The following UNC5C variants were observed in gnomAD, a reference collection of about 807,000 sequenced individuals.
The protein encoded by UNC5C is unc-5 netrin receptor C, also known as netrin receptor UNC5C.
A neutral mutation model predicts 99.8 loss-of-function variants in UNC5C; 47 were observed. The ratio of observed to expected loss-of-function variants is 0.47; its 90% CI spans 0.37 to 0.60. The LOEUF (loss-of-function observed/expected upper bound fraction) is 0.60. UNC5C is among the 20% of genes least tolerant of loss of function. The pLI, the probability that UNC5C is intolerant of heterozygous loss-of-function variation, is 0.00. For synonymous variants in UNC5C, 487 were observed against 452.2 expected (o/e 1.08, Z -0.98); for missense variants, 1,062 against 1,165.9 (o/e 0.91, Z 1.30).
chr4:95,398,043 G>GTTTTTTTTTTTT (rs1745570466), intron 1 of UNC5C, among the ~76,000 whole-genome samples: 4 of 76,948 alleles, frequency 5.2e-5, no homozygotes, highest in African/African-American at 3.8e-4. Flanking sequence ...GCCAAATGTA[G>GTTTTTTTTTTTT]CTTTTTTTTT....
At chr4:95,356,213 C>CAAAAAAA (rs869165569) in intron 1 of UNC5C, among the ~76,000 whole-genome samples, 3 of 78,178 alleles carry the variant, frequency 3.8e-5, no homozygotes, top group Non-Finnish European at 5.1e-5. Flanking sequence ...AAAAAAAAAA[C>CAAAAAAA]AAAACAAAAA....
intron 3 of UNC5C, among the ~76,000 whole-genome samples, chr4:95,282,808 A>G (rs1031577194): frequency 6.6e-6 from 1 of 152,168 alleles, no homozygotes; most frequent in Non-Finnish European, 1.5e-5. Flanking sequence ...GGTAGGTTAG[A>G]TAAATTTTTT....
At chr4:95,334,724 T>C (rs1743265382) in intron 2 of UNC5C, among the ~76,000 whole-genome samples, 1 of 151,944 alleles carries the variant, frequency 6.6e-6, no homozygotes, top group Non-Finnish European at 1.5e-5. Context: ...TATTTTATCT[T>C]TAAGGATGGT....
intron 1 of UNC5C, among the ~76,000 whole-genome samples, chr4:95,391,174 T>A (rs1025243751): frequency 2.6e-5 from 4 of 152,208 alleles, no homozygotes; most frequent in Admixed American, 2.6e-4. Flanking sequence ...TGTGGAACTG[T>A]GAGTCCATTA....
chr4:95,393,368 A>T (rs966259053), intron 1 of UNC5C, among the ~76,000 whole-genome samples: 1 of 152,168 alleles, frequency 6.6e-6, no homozygotes, highest in Non-Finnish European at 1.5e-5. Flanking sequence ...TTGATGGTGG[A>T]ACACTGTTGG....
chr4:95,386,080 C>G (rs139670227), intron 1 of UNC5C, among the ~76,000 whole-genome samples: 1 of 152,080 alleles, frequency 6.6e-6, no homozygotes, highest in African/African-American at 2.4e-5. Context: ...CCACTTCTGA[C>G]CAGCCATTGT....
At chr4:95,468,503 C>T (rs985317264) in intron 1 of UNC5C, among the ~76,000 whole-genome samples, 12 of 152,120 alleles carry the variant, frequency 7.9e-5, no homozygotes, top group African/African-American at 2.7e-4. Context: ...CCTTGATTAG[C>T]TCTGTCATAA....
chr4:95,333,841 C>T lies in UNC5C; in HGVS notation c.346+1569G>A, dbSNP rs1290187662. On this transcript the variant is annotated intron_variant, in intron 2 of 15. Coordinates refer to ENST00000453304, the MANE Select transcript of UNC5C (RefSeq NM_003728.4). ...TTTGAGTTTTTGTTATTTCTCTTTC[C>T]TTTTATCATTAAAGCTTATTTGTTT... Among the ~76,000 whole-genome samples, 3 of 151,994 alleles carry T rather than the reference C, an allele frequency of 2.0e-5. No homozygotes were observed. The East Asian group carries it at 5.8e-4, about 29-fold the overall frequency.
intron 2 of UNC5C, among the ~76,000 whole-genome samples, chr4:95,306,611 A>G (rs1376629486): frequency 6.6e-6 from 1 of 152,190 alleles, no homozygotes; most frequent in Non-Finnish European, 1.5e-5. Context: ...CTGATACTCC[A>G]TGTATATTTC....
intron 1 of UNC5C, among the ~76,000 whole-genome samples, chr4:95,465,649 A>C (rs1747750052): frequency 6.6e-6 from 1 of 152,152 alleles, no homozygotes; most frequent in Admixed American, 6.5e-5. Flanking sequence ...AAAAATGAAT[A>C]GAGAATATTC....
At chr4:95,503,971 C>T (rs556460520) in intron 1 of UNC5C, among the ~76,000 whole-genome samples, 1 of 152,260 alleles carries the variant, frequency 6.6e-6, no homozygotes, top group African/African-American at 2.4e-5. Flanking sequence ...TATCAGTTCA[C>T]ATCAGTCCAA....
rs112081773 is a variant in UNC5C, at chr4:95,248,480, C to T, written c.775+2007G>A. 631 of 450,666 alleles carry T rather than the reference C, an allele frequency of 1.4e-3. 3 individuals are homozygous for T. The highest frequency in any genetic ancestry group is 0.011 in the African/African-American group (532 of 49,816). The allele number at this position is 450,666 out of a possible 1,614,324, so 27.9% of individuals were successfully genotyped here. On this transcript the variant is annotated intron_variant, in intron 5 of 15. Transcript: ENST00000453304. ...CTGGATCGTAACTTCCCCGTGGTCT[C>T]AACTTCCTGTCCTTGAGGATAAGAA...
intron 12 of UNC5C, among the ~76,000 whole-genome samples, chr4:95,185,826 A>G (rs1052192206): frequency 3.0e-4 from 45 of 152,198 alleles, no homozygotes; most frequent in Admixed American, 2.7e-3. Flanking sequence ...CTATTAAAGG[A>G]AAATATTCCG....
intron 2 of UNC5C, among the ~76,000 whole-genome samples, chr4:95,322,967 C>T (rs1347031930): frequency 3.3e-5 from 5 of 150,766 alleles, no homozygotes; most frequent in South Asian, 2.1e-4. Context: ...AAGAAAAAGC[C>T]GAAGGTCAAA....
chr4:95,180,085 G>A (rs1371420911), intron 14 of UNC5C, among the ~76,000 whole-genome samples: 1 of 152,130 alleles, frequency 6.6e-6, no homozygotes, highest in Non-Finnish European at 1.5e-5. Flanking sequence ...AGTAAAAATG[G>A]TGAACATAGA....
intron 1 of UNC5C, among the ~76,000 whole-genome samples, chr4:95,464,027 G>A (rs148270255): frequency 1.9e-4 from 29 of 152,128 alleles, no homozygotes; most frequent in African/African-American, 5.1e-4. Context: ...GAAATACAAC[G>A]GTATAAATAC....
At chr4:95,254,795 A>G (rs150083626) in intron 4 of UNC5C, among the ~76,000 whole-genome samples, 1 of 152,132 alleles carries the variant, frequency 6.6e-6, no homozygotes, top group Non-Finnish European at 1.5e-5. Context: ...TCACTCTAAG[A>G]TACTGAATTC....
At chr4:95,495,561 T>C (rs575657648) in intron 1 of UNC5C, among the ~76,000 whole-genome samples, 1 of 151,662 alleles carries the variant, frequency 6.6e-6, no homozygotes. Context: ...TAACTCCACA[T>C]AGATGATTTC....
chr4:95,267,472 A>G (rs544754838), intron 4 of UNC5C, among the ~76,000 whole-genome samples: 2 of 152,354 alleles, frequency 1.3e-5, no homozygotes, highest in African/African-American at 4.8e-5. Flanking sequence ...TCACAATAAT[A>G]TAGACATTAT....
Sources: allele counts gnomAD v4.1 joint callset (sites outside exome capture counted in the v4.1 genomes callset), GRCh38; gene constraint gnomAD v4.1.1; transcripts MANE v1.5; gene names NCBI Gene and HGNC (gene_info 2026-07-23, HGNC 2026-07-21).